HMGN3: variants seen among roughly 807,000 people sequenced by gnomAD.
The protein encoded by HMGN3 is high mobility group nucleosome-binding domain-containing protein 3.
HMGN3 carries 6 observed loss-of-function variants against 18.8 expected under a neutral mutation model. That is an observed-to-expected ratio of 0.32 (90% confidence interval 0.18 to 0.63). The LOEUF is 0.63. Ranked by LOEUF, HMGN3 falls within the 30% of genes least tolerant of loss-of-function variation. HMGN3 has a pLI of 0.79. For missense variants in HMGN3, 107 were observed against 114.2 expected (o/e 0.94, Z 0.29); for synonymous variants, 40 against 36.5 (o/e 1.10, Z -0.35).
intron 1 of HMGN3, 124 bp from the exon 2 acceptor site, chr6:79,215,146 G>A: frequency 3.2e-6 from 2 of 622,022 alleles, no homozygotes; most frequent in Non-Finnish European, 5.6e-6. Context: ...CAAAGAAAAA[G>A]TAAATTACAA....
chr6:79,212,541 T>C (rs918408092), intron 2 of HMGN3, among the ~76,000 whole-genome samples: 1 of 152,226 alleles, frequency 6.6e-6, no homozygotes, highest in Admixed American at 6.5e-5. Flanking sequence ...TATGTTTTCG[T>C]TGAGGAATAA....
At chr6:79,223,612 G>A (rs1254745185) in intron 1 of HMGN3, among the ~76,000 whole-genome samples, 1 of 152,154 alleles carries the variant, frequency 6.6e-6, no homozygotes, top group South Asian at 2.1e-4. Flanking sequence ...AGGCTGAAGT[G>A]TGGGAATCGC....
chr6:79,231,042 C>A (rs556772334), intron 1 of HMGN3, among the ~76,000 whole-genome samples: 1 of 152,282 alleles, frequency 6.6e-6, no homozygotes, highest in East Asian at 1.9e-4. Flanking sequence ...CTTCCTTAAA[C>A]CTTTAAGTGT....
At chr6:79,202,839 G>T (rs1422446755) in intron 4 of HMGN3, among the ~76,000 whole-genome samples, 2 of 152,116 alleles carry the variant, frequency 1.3e-5, no homozygotes, top group Non-Finnish European at 2.9e-5. Context: ...TAGAAAGCTG[G>T]GAAGGTGCAG....
At chr6:79,210,057 C>A (rs2127819198) in intron 2 of HMGN3, among the ~76,000 whole-genome samples, 1 of 152,266 alleles carries the variant, frequency 6.6e-6, no homozygotes, top group Middle Eastern at 3.4e-3. Context: ...GTGTCAGATT[C>A]TCCATAGGAA....
rs1373305610 is a variant in HMGN3, at chr6:79,215,092, A to T, written c.16-70T>A. 1.9e-5 allele frequency: 18 copies of T among 929,188 alleles called. No individual in the cohort carries two copies. The East Asian group carries it at 4.5e-4, about 23-fold the overall frequency. 57.6% of individuals were successfully genotyped at this position (929,188 alleles called of 1,614,324 possible). ...ACACATTAGAAAAATGTTTTTAAAAAGTTATCTCATTCCCAGGACAAGACA... is the reference window on the plus strand; with the variant it reads ...ACACATTAGAAAAATGTTTTTAAAATGTTATCTCATTCCCAGGACAAGACA... On this transcript the variant is annotated intron_variant, in intron 1 of 5. Transcript: ENST00000344726.
chr6:79,224,714 A>G (rs4706085), intron 1 of HMGN3, among the ~76,000 whole-genome samples: 126,068 of 152,096 alleles, frequency 0.83, 53,431 homozygotes, highest in East Asian at 1. Context: ...TGAAGAGTAG[A>G]GCTTCCAAGA....
chr6:79,203,208 G>A (rs1337847336), intron 4 of HMGN3, among the ~76,000 whole-genome samples: 2 of 152,094 alleles, frequency 1.3e-5, no homozygotes, highest in African/African-American at 4.8e-5. Flanking sequence ...ACTGGCCTGC[G>A]AAATCCAGTT....
intron 1 of HMGN3, among the ~76,000 whole-genome samples, chr6:79,216,996 C>A (rs1303249951): frequency 6.6e-6 from 1 of 152,156 alleles, no homozygotes; most frequent in African/African-American, 2.4e-5. Context: ...TCATATTTTT[C>A]TATGCAGTGG....
At chr6:79,215,088 A>T (rs1776907434) in intron 1 of HMGN3, 66 bp from the exon 2 acceptor site, 4 of 987,308 alleles carry the variant, frequency 4.1e-6, no homozygotes, top group Admixed American at 2.4e-5. Flanking sequence ...AAATGTTTTT[A>T]AAAAGTTATC....
chr6:79,214,356 C>T (rs1776855628), intron 2 of HMGN3, among the ~76,000 whole-genome samples: 2 of 151,990 alleles, frequency 1.3e-5, no homozygotes, highest in African/African-American at 4.8e-5. Context: ...CGCCCACCAC[C>T]ACGCCTGGCT....
Position 79,208,543 on chromosome 6 carries a change from T to C in HMGN3, c.96+4A>G. On this transcript the variant is annotated splice_donor_region_variant and intron_variant, in intron 3 of 5. Coordinates refer to ENST00000344726, the Ensembl canonical transcript of HMGN3. ...TAACACTGAAGTGGTTCTAAGGTACTTACCGCTGACAATCTGGCAGACCGT... is the reference window on the plus strand; with the variant it reads ...TAACACTGAAGTGGTTCTAAGGTACCTACCGCTGACAATCTGGCAGACCGT... 1 of 1,608,834 alleles carries C rather than the reference T, an allele frequency of 6.2e-7. No individual in the cohort carries two copies. Among genetic ancestry groups the C allele is most frequent in the Non-Finnish European group, 8.5e-7 (1 of 1,175,088 alleles).
chr6:79,210,200 T>C (rs145189996), intron 2 of HMGN3, among the ~76,000 whole-genome samples: 4 of 152,266 alleles, frequency 2.6e-5, no homozygotes, highest in Non-Finnish European at 5.9e-5. Context: ...AAGGCAACAT[T>C]TTCAAGTAAA....
At chr6:79,209,738 C>A (rs1776593014) in intron 2 of HMGN3, among the ~76,000 whole-genome samples, 1 of 152,224 alleles carries the variant, frequency 6.6e-6, no homozygotes, top group Non-Finnish European at 1.5e-5. Context: ...GTCAGCCAGT[C>A]AGGCCAAACT....
chr6:79,204,929 T>C (rs951958989), intron 3 of HMGN3, among the ~76,000 whole-genome samples: 2 of 152,260 alleles, frequency 1.3e-5, no homozygotes, highest in Non-Finnish European at 1.5e-5. Flanking sequence ...ACTGTATTAA[T>C]ATACATGTTT....
intron 1 of HMGN3, among the ~76,000 whole-genome samples, chr6:79,215,986 G>GT (rs1226646525): frequency 6.6e-6 from 1 of 152,156 alleles, no homozygotes; most frequent in Non-Finnish European, 1.5e-5. Context: ...TTGACACGAT[G>GT]TTTGGCTCAG....
At chr6:79,218,031 C>A (rs1351831443) in intron 1 of HMGN3, among the ~76,000 whole-genome samples, 4 of 152,228 alleles carry the variant, frequency 2.6e-5, no homozygotes, top group African/African-American at 9.6e-5. Context: ...GGGCCCAAAT[C>A]ATGGTCAAAT....
intron 1 of HMGN3, 148 bp from the exon 2 acceptor site, chr6:79,215,170 T>G (rs1327998408): frequency 5.1e-6 from 3 of 589,448 alleles, no homozygotes; most frequent in Non-Finnish European, 8.9e-6. Flanking sequence ...GGTATGTCTT[T>G]TACACACCTA....
At chr6:79,232,378 T>TA (rs1777886389) in intron 1 of HMGN3, among the ~76,000 whole-genome samples, 2 of 152,178 alleles carry the variant, frequency 1.3e-5, no homozygotes, top group Admixed American at 1.3e-4. Flanking sequence ...CCTGCCCAGG[T>TA]ACCAACTGAG....
Sources: allele counts gnomAD v4.1 joint callset (sites outside exome capture counted in the v4.1 genomes callset), GRCh38; gene constraint gnomAD v4.1.1; transcripts MANE v1.5; gene names NCBI Gene and HGNC (gene_info 2026-07-23, HGNC 2026-07-21).